TMEM131: variants seen among roughly 807,000 people sequenced by gnomAD.
TMEM131 encodes the protein 2610524E03Rik.
TMEM131 carries 66 observed loss-of-function variants against 211.6 expected under a neutral mutation model. That is an observed-to-expected ratio of 0.31 (90% CI 0.26 to 0.38). The LOEUF (loss-of-function observed/expected upper bound fraction) is 0.38. Among genes scored for constraint, TMEM131 ranks in the 10% least tolerant of loss-of-function variants. TMEM131 has a pLI of 1.00. For missense variants in TMEM131, 2,036 were observed against 2,299.3 expected (o/e 0.89, Z 2.34); for synonymous variants, 844 against 841.3 (o/e 1.00, Z -0.06).
chr2:97,940,461 G>A (rs924128339), intron 1 of TMEM131, among the ~76,000 whole-genome samples: 2 of 152,150 alleles, frequency 1.3e-5, no homozygotes, highest in Admixed American at 6.5e-5. Context: ...ACTTACAAGG[G>A]ATGTGAAGGA....
chr2:97,802,506 T>C lies in TMEM131; in HGVS notation c.2573A>G (p.Asp858Gly), dbSNP rs1681080353. 2.5e-6 allele frequency: 4 copies of C among 1,611,906 alleles called. No individual in the cohort carries two copies. Among genetic ancestry groups the C allele is most frequent in the Admixed American group, 3.4e-5 (2 of 59,674 alleles). The change falls in exon 24 of 41, where the codon GAT (aspartate) becomes GGT (glycine). Residue 858 changes from aspartate (D) to glycine (G), a missense_variant. By Grantham distance (94) the Asp-to-Gly change is moderately conservative. This residue lies in a region of TMEM131 where 1,623 missense variants were observed against 1,805.9 expected (regional missense o/e 0.90). Coordinates refer to ENST00000186436, the MANE Select transcript of TMEM131 (RefSeq NM_015348.2). Reference sequence around the variant, plus strand: ...AATAAACTGAACATAGACAGGAACATCTGCAGGATTTTCTAAAGTAATCTC... The same window carrying C: ...AATAAACTGAACATAGACAGGAACACCTGCAGGATTTTCTAAAGTAATCTC... ...EEEITLENPA[D>G]VPVYVQFIPL... is the part of the protein sequence containing the mutation.
chr2:97,813,026 T>C (rs974117245), intron 15 of TMEM131, among the ~76,000 whole-genome samples: 3 of 152,118 alleles, frequency 2.0e-5, no homozygotes, highest in Non-Finnish European at 4.4e-5. Context: ...TGCTTTCCTA[T>C]GCTTTTGTAT....
At chr2:97,877,169 G>A (rs1453337795) in intron 4 of TMEM131, among the ~76,000 whole-genome samples, 1 of 152,098 alleles carries the variant, frequency 6.6e-6, no homozygotes, top group African/African-American at 2.4e-5. Flanking sequence ...ACCTCTTCAA[G>A]GAGAACTACA....
At chr2:97,890,828 T>G (rs1183408589) in intron 3 of TMEM131, among the ~76,000 whole-genome samples, 1 of 152,238 alleles carries the variant, frequency 6.6e-6, no homozygotes, top group Non-Finnish European at 1.5e-5. Context: ...TGTCTTGTGC[T>G]AAGATCTCCT....
In TMEM131 at chr2:97,913,527, C is replaced by T. The variant is rs574772441; in HGVS notation, c.250-4829G>A. ...AATCCTTCGATCTGGTCTAGTACTG[C>T]ATTCATACAATAACCTATCCTTGAC... is the stretch of plus-strand genomic sequence containing the variant. On this transcript the variant is annotated intron_variant, in intron 2 of 40. Transcript: ENST00000186436. Among the ~76,000 whole-genome samples, 4 of 152,268 alleles carry T rather than the reference C, an allele frequency of 2.6e-5. No individual in the cohort carries two copies. The South Asian group carries it at 8.3e-4, about 32-fold the overall frequency.
intron 12 of TMEM131, among the ~76,000 whole-genome samples, 157 bp from the exon 13 acceptor site, chr2:97,815,464 T>C (rs535183990): frequency 4.9e-4 from 74 of 152,192 alleles, no homozygotes; most frequent in African/African-American, 1.5e-3. Context: ...AAACATCACA[T>C]TTTTCATACA....
At chr2:97,953,421 A>G (rs187862943) in intron 1 of TMEM131, among the ~76,000 whole-genome samples, 93 of 152,344 alleles carry the variant, frequency 6.1e-4, no homozygotes, top group African/African-American at 2.0e-3. Flanking sequence ...ATTTCAGAGG[A>G]AAGAAAATTA....
chr2:97,958,940 A>G (rs1416342751), intron 1 of TMEM131, among the ~76,000 whole-genome samples: 1 of 152,236 alleles, frequency 6.6e-6, no homozygotes, highest in Non-Finnish European at 1.5e-5. Flanking sequence ...TTTATGAGCA[A>G]GAGGAACAGA....
rs1678659450 is a variant in TMEM131 at position 97,758,895 on chromosome 2, T to C, written c.5365A>G (p.Thr1789Ala). ...ASSGSPTHTATSVLGNTSGLW... is the reference protein window; with the variant it reads ...ASSGSPTHTAASVLGNTSGLW... The stretch of plus-strand genomic sequence containing the variant: ...CAGCCCCAGCCCCAAGTACTCACTG[T>C]GGCTGTGTGGGTCGGGGAGCCGGAA... The change falls in exon 40 of 41, where the codon ACA (threonine) becomes GCA (alanine). Residue 1789 changes from threonine to alanine, a missense_variant and splice_region_variant. Around this residue, in one of 3 missense-constraint regions of TMEM131, gnomAD observed 1,623 missense variants for 1,805.9 expected, o/e 0.90. Coordinates refer to ENST00000186436, the MANE Select transcript of TMEM131 (RefSeq NM_015348.2). The C allele has an allele frequency of 6.2e-7, 1 of 1,609,244 alleles. No individual in the cohort carries two copies. The highest frequency in any genetic ancestry group is 1.3e-5 in the African/African-American group (1 of 75,004).
intron 33 of TMEM131, among the ~76,000 whole-genome samples, chr2:97,768,097 G>A (rs553852604): frequency 1.3e-5 from 2 of 152,186 alleles, no homozygotes; most frequent in African/African-American, 4.8e-5. Flanking sequence ...TTCACAAGTA[G>A]GTATTATATA....
intron 35 of TMEM131, chr2:97,764,999 T>C (rs559394662): frequency 1.3e-5 from 2 of 152,324 alleles, no homozygotes; most frequent in African/African-American, 4.8e-5. Flanking sequence ...GAAAGTGGCA[T>C]CTGTTTAATG....
At chr2:97,828,329 A>T (rs1369689549) in intron 11 of TMEM131, among the ~76,000 whole-genome samples, 6 of 152,164 alleles carry the variant, frequency 3.9e-5, no homozygotes, top group African/African-American at 1.4e-4. Context: ...ATCCTCAACC[A>T]ATGAAATCTC....
At chr2:97,929,177 T>C (rs548497274) in intron 1 of TMEM131, among the ~76,000 whole-genome samples, 18 of 150,330 alleles carry the variant, frequency 1.2e-4, no homozygotes, top group Middle Eastern at 6.8e-3. Context: ...AAGTAAAAAA[T>C]AGAGAAAACC....
chr2:97,827,795 G>T (rs144528674), intron 11 of TMEM131, among the ~76,000 whole-genome samples: 3,768 of 152,116 alleles, frequency 0.025, 131 homozygotes, highest in African/African-American at 0.087. Flanking sequence ...TGAATTATGG[G>T]AGGCTCTGAT....
intron 1 of TMEM131, among the ~76,000 whole-genome samples, chr2:97,934,487 C>T (rs1677359256): frequency 6.6e-6 from 1 of 152,022 alleles, no homozygotes; most frequent in African/African-American, 2.4e-5. Flanking sequence ...CTGTAAAAAT[C>T]CCAGGATAAT....
At chr2:97,783,977 G>A (rs1680134453) in intron 31 of TMEM131, among the ~76,000 whole-genome samples, 2 of 151,474 alleles carry the variant, frequency 1.3e-5, no homozygotes, top group Admixed American at 1.3e-4. Flanking sequence ...GAACTTGAGA[G>A]GAAAGAAAAT....
intron 7 of TMEM131, among the ~76,000 whole-genome samples, chr2:97,841,381 C>T (rs1299536906): frequency 1.3e-5 from 2 of 152,138 alleles, no homozygotes; most frequent in African/African-American, 4.8e-5. Flanking sequence ...TTCTATATTA[C>T]CCTTTCCCTG....
At chr2:97,844,691 A>G (rs1683344832) in intron 5 of TMEM131, among the ~76,000 whole-genome samples, 1 of 150,356 alleles carries the variant, frequency 6.7e-6, no homozygotes, top group African/African-American at 2.5e-5. Context: ...CATCCACACA[A>G]GGAACAAAAT....
At chr2:97,992,617 T>C (rs1239464270) in intron 1 of TMEM131, among the ~76,000 whole-genome samples, 2 of 152,238 alleles carry the variant, frequency 1.3e-5, no homozygotes, top group South Asian at 2.1e-4. Context: ...AATGAAATTA[T>C]ATTACATGAT....
Sources: allele counts gnomAD v4.1 joint callset (sites outside exome capture counted in the v4.1 genomes callset), GRCh38; gene constraint gnomAD v4.1.1; regional missense constraint gnomAD v4.1.1; transcripts MANE v1.5; gene names NCBI Gene and HGNC (gene_info 2026-07-23, HGNC 2026-07-21).